Variants in EIF2B3 observed in about 807,000 individuals in gnomAD.
EIF2B3 encodes the protein translation initiation factor eIF2B subunit gamma.
EIF2B3 carries 20 observed loss-of-function variants against 54.1 expected under a neutral mutation model. The observed-to-expected ratio is 0.37, with a 90% confidence interval of 0.26 to 0.54. EIF2B3 has a LOEUF of 0.54. EIF2B3 is among the 20% of genes least tolerant of loss of function. The pLI is 0.86. For synonymous variants in EIF2B3, 153 were observed against 188.1 expected (o/e 0.81, Z 1.52); for missense variants, 448 against 547.8 (o/e 0.82, Z 1.82).
At chr1:44,972,135 T>A (rs1644404763) in intron 3 of EIF2B3, among the ~76,000 whole-genome samples, 1 of 151,834 alleles carries the variant, frequency 6.6e-6, no homozygotes, top group Admixed American at 6.6e-5. Context: ...ATACTTGTAA[T>A]CCCAGCACTT....
In EIF2B3 at chr1:44,850,826, A is replaced by G; in HGVS notation, c.*125T>C. On this transcript the variant is annotated 3_prime_UTR_variant, in exon 12 of 12. Coordinates refer to ENST00000360403, the MANE Select transcript of EIF2B3 (RefSeq NM_020365.5). Reference sequence around the variant, plus strand: ...CTGACATGGAGCTTTGGACTGCTCCACAAGTCTCCAGCATGCCTTTGGAAG... The same window carrying G: ...CTGACATGGAGCTTTGGACTGCTCCGCAAGTCTCCAGCATGCCTTTGGAAG... 9.3e-7 allele frequency: 1 copy of G among 1,078,898 alleles called. No individual in the cohort carries two copies. Among genetic ancestry groups the G allele is most frequent in the Non-Finnish European group, 1.4e-6 (1 of 700,826 alleles). 66.8% of individuals were successfully genotyped at this position (1,078,898 alleles called of 1,614,324 possible).
intron 11 of EIF2B3, among the ~76,000 whole-genome samples, chr1:44,854,624 G>A (rs1238734209): frequency 7.1e-6 from 1 of 141,460 alleles, no homozygotes; most frequent in African/African-American, 2.7e-5. Context: ...TTTCGCTCTT[G>A]TTGCCCAAGA....
At chr1:44,939,272 G>C (rs1643994096) in intron 4 of EIF2B3, among the ~76,000 whole-genome samples, 1 of 151,998 alleles carries the variant, frequency 6.6e-6, no homozygotes, top group Non-Finnish European at 1.5e-5. Flanking sequence ...AGTCCTATCT[G>C]CTTCTCTGCC....
intron 5 of EIF2B3, among the ~76,000 whole-genome samples, chr1:44,914,405 T>C (rs4515833): frequency 0.17 from 25,829 of 152,004 alleles, 2,306 homozygotes; most frequent in Non-Finnish European, 0.18. Flanking sequence ...AGGTGATCCG[T>C]CCACCTCGGC....
intron 4 of EIF2B3, among the ~76,000 whole-genome samples, chr1:44,933,735 C>G (rs1240572558): frequency 2.0e-5 from 3 of 152,104 alleles, no homozygotes; most frequent in African/African-American, 7.2e-5. Context: ...CTGATGTTAT[C>G]TCGAGCAACT....
intron 3 of EIF2B3, among the ~76,000 whole-genome samples, chr1:44,973,841 G>A (rs896517180): frequency 6.6e-6 from 1 of 152,176 alleles, no homozygotes; most frequent in Non-Finnish European, 1.5e-5. Context: ...AATGGTAATA[G>A]AGTTTCAGTT....
intron 10 of EIF2B3, among the ~76,000 whole-genome samples, chr1:44,867,868 A>T (rs949225249): frequency 7.8e-6 from 1 of 128,648 alleles, no homozygotes; most frequent in Admixed American, 9.2e-5. Context: ...TTCTGTCTCT[A>T]AAAAAAAAAA....
intron 5 of EIF2B3, among the ~76,000 whole-genome samples, chr1:44,920,396 C>T (rs915779584): frequency 2.0e-5 from 3 of 152,092 alleles, no homozygotes; most frequent in South Asian, 4.2e-4. Flanking sequence ...TCCAATTATA[C>T]TCTCTTAGTT....
rs556054619 is a variant in EIF2B3 at position 44,886,722 on chromosome 1, C to A, written c.657-4983G>T. On this transcript the variant is annotated intron_variant, in intron 6 of 11. Transcript: ENST00000360403. Reference sequence around the variant, plus strand: ...AACCGTGTTCAAATAAGGCAAATGCCGAGCTGTAACCAATCCAGTTGTTTT... The same window carrying A: ...AACCGTGTTCAAATAAGGCAAATGCAGAGCTGTAACCAATCCAGTTGTTTT... Among the ~76,000 whole-genome samples the A allele has an allele frequency of 4.6e-5, 7 of 152,308 alleles. 1 individual carries two copies. The South Asian group carries it at 1.5e-3, about 32-fold the overall frequency.
At chr1:44,864,949 G>A (rs1012634168) in intron 10 of EIF2B3, among the ~76,000 whole-genome samples, 3 of 152,278 alleles carry the variant, frequency 2.0e-5, no homozygotes, top group Admixed American at 6.5e-5. Flanking sequence ...TGGGCGTGGC[G>A]GCTTACACCT....
chr1:44,923,565 T>C lies in EIF2B3; in HGVS notation c.566+3063A>G, dbSNP rs796986787. On this transcript the variant is annotated intron_variant, in intron 5 of 11. Transcript: ENST00000360403. ...GGTATGTTTCTTTTCTCCATTTTAC[T>C]GGGAACTCAGTTTCCTTTCAGTCTA... Among the ~76,000 whole-genome samples, 17 of 152,336 alleles carry C rather than the reference T, an allele frequency of 1.1e-4. 1 individual carries two copies. Among genetic ancestry groups the C allele is most frequent in the African/African-American group, 4.1e-4 (17 of 41,586 alleles).
At chr1:44,888,534 ACT>A (rs1353580299) in intron 6 of EIF2B3, among the ~76,000 whole-genome samples, 1 of 151,770 alleles carries the variant, frequency 6.6e-6, no homozygotes, top group African/African-American at 2.4e-5. Flanking sequence ...GGTAAAAATC[ACT>A]GTTTATCTCC....
chr1:44,978,252 TG>T (rs948909453), intron 3 of EIF2B3, 62 bp downstream of exon 3: 2 of 1,593,832 alleles, frequency 1.3e-6, no homozygotes, highest in Admixed American at 3.3e-5. Flanking sequence ...TATAATGCAC[TG>T]GGAAAACATA....
intron 3 of EIF2B3, 112 bp from the exon 4 acceptor site, chr1:44,941,777 CAAGCATTTTTCAT>C (rs1644025652): frequency 7.9e-7 from 1 of 1,270,972 alleles, no homozygotes; most frequent in East Asian, 2.3e-5. Flanking sequence ...CAATACTCTT[CAAGCATTTTTCAT>C]AGCCAAACAA....
At chr1:44,938,478 TTCTC>T (rs141848663) in intron 4 of EIF2B3, among the ~76,000 whole-genome samples, 42 of 144,770 alleles carry the variant, frequency 2.9e-4, no homozygotes, top group African/African-American at 6.8e-4. Flanking sequence ...GAGACCTAAT[TTCTC>T]TCTCTCTCTC....
intron 3 of EIF2B3, among the ~76,000 whole-genome samples, chr1:44,965,160 A>G (rs1644324468): frequency 6.6e-6 from 1 of 152,200 alleles, no homozygotes; most frequent in African/African-American, 2.4e-5. Context: ...ACTTAGAGAA[A>G]GAGATCAACA....
intron 1 of EIF2B3, among the ~76,000 whole-genome samples, chr1:44,984,797 C>CCTTTTTTTTTTTTTTTTTTTTTTT (rs1644552636): frequency 1.1e-5 from 1 of 88,576 alleles, no homozygotes; most frequent in Non-Finnish European, 2.0e-5. Flanking sequence ...TAATGTCCAT[C>CCTTTTTTTTTTTTTTTTTTTTTTT]TTTTTTTTTT....
chr1:44,877,211 A>AC (rs1655217397), intron 8 of EIF2B3, among the ~76,000 whole-genome samples: 1 of 148,920 alleles, frequency 6.7e-6, no homozygotes. Flanking sequence ...AAAAAAAAAA[A>AC]AAAAAAAAAA....
intron 11 of EIF2B3, among the ~76,000 whole-genome samples, chr1:44,857,149 AG>A (rs1654459240): frequency 6.6e-6 from 1 of 152,194 alleles, no homozygotes; most frequent in South Asian, 2.1e-4. Context: ...TATGTTTTCA[AG>A]GTTTTGAGAT....
Sources: gnomAD v4.1 joint callset for allele counts (sites outside exome capture counted in the v4.1 genomes callset) on GRCh38, gnomAD v4.1.1 for gene constraint, MANE v1.5 for transcripts, NCBI Gene and HGNC (gene_info 2026-07-23, HGNC 2026-07-21) for gene names.